SORCS2: variants seen among roughly 807,000 people sequenced by gnomAD.
The protein encoded by SORCS2 is sortilin related VPS10 domain containing receptor 2, also known as VPS10 domain-containing receptor SorCS2.
A neutral mutation model predicts 141.6 loss-of-function variants in SORCS2; 100 were observed. The ratio of observed to expected loss-of-function variants is 0.71; its 90% CI spans 0.60 to 0.83. The LOEUF is 0.83. SORCS2 is among the 40% of genes least tolerant of loss of function. The pLI is 0.00. For synonymous variants in SORCS2, 789 were observed against 676.9 expected (o/e 1.17, Z -2.57); for missense variants, 1,646 against 1,560.2 (o/e 1.05, Z -0.93).
chr4:7,435,120 G>T, intron 2 of SORCS2: 1 of 543,160 alleles, frequency 1.8e-6, no homozygotes, highest in South Asian at 3.0e-5. Flanking sequence ...GCAGTTTTCT[G>T]AGCCTAGCTG....
chr4:7,461,709 T>A (rs557063382), intron 2 of SORCS2, among the ~76,000 whole-genome samples: 3 of 152,212 alleles, frequency 2.0e-5, no homozygotes, highest in South Asian at 2.1e-4. Flanking sequence ...GCAGCCATCC[T>A]CAGGATATAG....
intron 3 of SORCS2, among the ~76,000 whole-genome samples, chr4:7,599,094 G>A (rs1224152353): frequency 1.3e-5 from 2 of 152,132 alleles, no homozygotes; most frequent in Non-Finnish European, 2.9e-5. Context: ...AAGAACACAA[G>A]GGCTGTTAAG....
At chr4:7,700,754 T>C (rs1477232195) in intron 12 of SORCS2, among the ~76,000 whole-genome samples, 1 of 152,088 alleles carries the variant, frequency 6.6e-6, no homozygotes, top group East Asian at 1.9e-4. Context: ...GCACAGAGCA[T>C]TGGGGGACAT....
At chr4:7,724,585 GTGGTGT>G (rs1468218120) in intron 19 of SORCS2, among the ~76,000 whole-genome samples, 1 of 96,392 alleles carries the variant, frequency 1.0e-5, no homozygotes, top group Non-Finnish European at 2.1e-5. Context: ...GGTGATGGTG[GTGGTGT>G]TGGTGATGGT....
chr4:7,597,468 C>G (rs931361695), intron 3 of SORCS2, among the ~76,000 whole-genome samples: 1 of 117,288 alleles, frequency 8.5e-6, no homozygotes, highest in East Asian at 2.6e-4. Flanking sequence ...AGAGGACTAT[C>G]GCAATAGGAG....
chr4:7,274,384 G>A (rs1014269290), intron 1 of SORCS2, among the ~76,000 whole-genome samples: 7 of 152,208 alleles, frequency 4.6e-5, no homozygotes, highest in Non-Finnish European at 1.0e-4. Context: ...GTAAAGAAAA[G>A]AGGTTTAATT....
chr4:7,595,900 G>A (rs529413822), intron 3 of SORCS2, among the ~76,000 whole-genome samples: 5 of 152,320 alleles, frequency 3.3e-5, no homozygotes, highest in African/African-American at 1.2e-4. Flanking sequence ...ACCTCAGTGG[G>A]GCTCTTGGTC....
intron 2 of SORCS2, among the ~76,000 whole-genome samples, chr4:7,523,699 C>A (rs1733482655): frequency 6.6e-6 from 1 of 152,188 alleles, no homozygotes. Flanking sequence ...TGTCCCTGCC[C>A]ACAGGCCGCT....
intron 1 of SORCS2, among the ~76,000 whole-genome samples, chr4:7,278,319 G>A (rs916314371): frequency 5.9e-5 from 9 of 152,198 alleles, no homozygotes; most frequent in East Asian, 3.9e-4. Flanking sequence ...TGGTTGGGAC[G>A]AGTTCACTGA....
At chr4:7,512,320 A>G (rs1408323161) in intron 2 of SORCS2, among the ~76,000 whole-genome samples, 2 of 143,956 alleles carry the variant, frequency 1.4e-5, no homozygotes, top group Non-Finnish European at 3.1e-5. Context: ...AGTTTGATCA[A>G]TGGTTGGAAG....
intron 5 of SORCS2, among the ~76,000 whole-genome samples, chr4:7,659,203 G>A (rs1403855250): frequency 6.6e-6 from 1 of 151,472 alleles, no homozygotes; most frequent in Middle Eastern, 3.4e-3. Flanking sequence ...TGGAGATGGT[G>A]AAATCTGGGA....
At chr4:7,271,937 C>T (rs1715164959) in intron 1 of SORCS2, among the ~76,000 whole-genome samples, 1 of 152,244 alleles carries the variant, frequency 6.6e-6, no homozygotes, top group South Asian at 2.1e-4. Flanking sequence ...CTAAGGAGTC[C>T]TGTCCTCAGC....
At chr4:7,566,173 A>G (rs1714991763) in intron 3 of SORCS2, among the ~76,000 whole-genome samples, 2 of 150,860 alleles carry the variant, frequency 1.3e-5, no homozygotes, top group African/African-American at 4.9e-5. Flanking sequence ...GGTGATGGTG[A>G]TGGTAGTGAT....
chr4:7,740,312 C>T lies in SORCS2; in HGVS notation c.*48C>T. On this transcript the variant is annotated 3_prime_UTR_variant, in exon 27 of 27. Coordinates refer to ENST00000507866, the MANE Select transcript of SORCS2 (RefSeq NM_020777.3). ...TCACCCACGGAGGGCACAGAACCAC[C>T]AGCAAAGCCGGCGGCTGGACTGGCG... 1 of 1,566,114 alleles carries T rather than the reference C, an allele frequency of 6.4e-7. No homozygotes were observed. The highest frequency in any genetic ancestry group is 8.7e-7 in the Non-Finnish European group (1 of 1,147,806).
intron 2 of SORCS2, among the ~76,000 whole-genome samples, chr4:7,504,841 T>C (rs1732181213): frequency 6.6e-6 from 1 of 152,210 alleles, no homozygotes; most frequent in African/African-American, 2.4e-5. Flanking sequence ...CTGGTCTAGC[T>C]GGGACCCGAC....
At chr4:7,709,708 G>A (rs1478584607) in intron 14 of SORCS2, among the ~76,000 whole-genome samples, 6 of 152,134 alleles carry the variant, frequency 3.9e-5, no homozygotes, top group South Asian at 2.1e-4. Context: ...TGTCCTTCCC[G>A]GATAACTGTT....
intron 2 of SORCS2, among the ~76,000 whole-genome samples, chr4:7,441,038 G>C (rs566766003): frequency 6.6e-6 from 1 of 152,216 alleles, no homozygotes; most frequent in East Asian, 1.9e-4. Flanking sequence ...TGGTGCTGTC[G>C]GTCCCTGGGA....
intron 6 of SORCS2, among the ~76,000 whole-genome samples, chr4:7,662,422 G>C (rs1197741036): frequency 6.6e-6 from 1 of 152,098 alleles, no homozygotes; most frequent in Non-Finnish European, 1.5e-5. Context: ...TTTGACCTCA[G>C]GCACCCTGCC....
intron 1 of SORCS2, among the ~76,000 whole-genome samples, chr4:7,277,714 CCAGT>C (rs1445528370): frequency 6.6e-6 from 1 of 152,204 alleles, no homozygotes; most frequent in African/African-American, 2.4e-5. Context: ...TCTGCCCTGG[CCAGT>C]CAGCCTCTGG....
Sources: allele counts gnomAD v4.1 joint callset (sites outside exome capture counted in the v4.1 genomes callset), GRCh38; gene constraint gnomAD v4.1.1; transcripts MANE v1.5; gene names NCBI Gene and HGNC (gene_info 2026-07-23, HGNC 2026-07-21).